FOXN3: variants seen among roughly 807,000 people sequenced by gnomAD.
FOXN3 encodes forkhead box N3.
In FOXN3, 7 loss-of-function variants were observed where a neutral mutation model predicts 38.4. That is an observed-to-expected ratio of 0.18 (90% CI 0.10 to 0.34). The LOEUF is 0.34. FOXN3 is among the 10% of genes least tolerant of loss of function. The pLI, the probability that FOXN3 is intolerant of heterozygous loss-of-function variation, is 1.00. For missense variants in FOXN3, 456 were observed against 613.4 expected (o/e 0.74, Z 2.71); for synonymous variants, 230 against 242.2 (o/e 0.95, Z 0.47).
chr14:89,325,316 C>A (rs1450644324), intron 3 of FOXN3, among the ~76,000 whole-genome samples: 4 of 65,394 alleles, frequency 6.1e-5, no homozygotes, highest in African/African-American at 1.9e-4. Context: ...ACCACCACGA[C>A]CACCACCACC....
rs1281360063 is a variant in FOXN3, at chr14:89,159,405, G to C, written c.*3009C>G. ...GCAGATCCAACGAAGGGAGACTCAG[G>C]AAAATCACACTTAGAAAGCTGCCCG... On this transcript the variant is annotated 3_prime_UTR_variant, in exon 6 of 6. Transcript: ENST00000557258. 1 of 152,612 alleles carries C rather than the reference G, an allele frequency of 6.6e-6. No individual in the cohort carries two copies. Among genetic ancestry groups the C allele is most frequent in the Non-Finnish European group, 1.5e-5 (1 of 68,038 alleles). The allele number at this position is 152,612 out of a possible 1,614,324, so 9.5% of individuals were successfully genotyped here.
At chr14:89,581,881 T>C (rs1483068628) in intron 1 of FOXN3, among the ~76,000 whole-genome samples, 1 of 152,182 alleles carries the variant, frequency 6.6e-6, no homozygotes, top group East Asian at 1.9e-4. Flanking sequence ...TTTTATCCAG[T>C]TTCCTAAAAA....
At chr14:89,424,935 T>G (rs1891990389) in intron 1 of FOXN3, among the ~76,000 whole-genome samples, 1 of 152,158 alleles carries the variant, frequency 6.6e-6, no homozygotes, top group South Asian at 2.1e-4. Flanking sequence ...GAGCTACTAA[T>G]GCTTCTCCTG....
At chr14:89,257,128 A>C (rs1054398077) in intron 4 of FOXN3, among the ~76,000 whole-genome samples, 4 of 152,166 alleles carry the variant, frequency 2.6e-5, no homozygotes, top group Non-Finnish European at 4.4e-5. Context: ...CTAGGGCAGG[A>C]GGAGGTGGCT....
intron 1 of FOXN3, among the ~76,000 whole-genome samples, chr14:89,596,450 T>C (rs952039882): frequency 1.3e-5 from 2 of 152,310 alleles, no homozygotes; most frequent in Non-Finnish European, 1.5e-5. Context: ...TTTAGGATTT[T>C]AAAATTTATA....
At chr14:89,366,005 A>C (rs957299537) in intron 2 of FOXN3, among the ~76,000 whole-genome samples, 5 of 152,192 alleles carry the variant, frequency 3.3e-5, no homozygotes, top group African/African-American at 1.2e-4. Context: ...TAATCCCAGC[A>C]CTTTGGGAGG....
At chr14:89,177,887 C>T (rs895759218) in intron 5 of FOXN3, among the ~76,000 whole-genome samples, 12 of 152,136 alleles carry the variant, frequency 7.9e-5, no homozygotes, top group Non-Finnish European at 1.6e-4. Flanking sequence ...CCCTTTGTTC[C>T]GTCAACCCTA....
At chr14:89,197,489 G>C (rs529979418) in intron 4 of FOXN3, among the ~76,000 whole-genome samples, 178 of 143,608 alleles carry the variant, frequency 1.2e-3, no homozygotes, top group African/African-American at 4.5e-3. Context: ...CTGGGCGACA[G>C]AGCAAGACTG....
intron 1 of FOXN3, among the ~76,000 whole-genome samples, chr14:89,501,255 A>T (rs1285952117): frequency 3.9e-5 from 6 of 152,254 alleles, no homozygotes; most frequent in Non-Finnish European, 2.9e-5. Flanking sequence ...AACCATTTAT[A>T]TTAGTGGGAA....
rs1263411131 is a variant in FOXN3 at position 89,603,732 on chromosome 14, A to G, written c.-15+15296T>C. 2.0e-5 allele frequency among the ~76,000 whole-genome samples: 3 copies of G among 152,244 alleles called. No homozygotes were observed. The East Asian group carries it at 5.8e-4, about 29-fold the overall frequency. On this transcript the variant is annotated intron_variant, in intron 1 of 6. Transcript: ENST00000345097. ...CATATTCATGAGCTCACACAAAAAA[A>G]TAAGGCACATTCAGAACAGAGGGCT...
At chr14:89,203,591 C>T (rs1888290417) in intron 4 of FOXN3, among the ~76,000 whole-genome samples, 1 of 152,168 alleles carries the variant, frequency 6.6e-6, no homozygotes, top group African/African-American at 2.4e-5. Flanking sequence ...GAGTCATGCG[C>T]TGAGCGGGCA....
intron 1 of FOXN3, among the ~76,000 whole-genome samples, chr14:89,594,603 C>T (rs1037060480): frequency 5.3e-5 from 8 of 152,132 alleles, no homozygotes; most frequent in African/African-American, 1.9e-4. Flanking sequence ...CTTTGCATAT[C>T]CTTCATATAA....
intron 2 of FOXN3, among the ~76,000 whole-genome samples, chr14:89,386,723 G>A (rs1054486782): frequency 6.6e-6 from 1 of 152,168 alleles, no homozygotes. Flanking sequence ...TCACAGTTCT[G>A]GAGTCTGGGA....
At chr14:89,503,623 TATAG>T (rs1893847624) in intron 1 of FOXN3, among the ~76,000 whole-genome samples, 1 of 152,174 alleles carries the variant, frequency 6.6e-6, no homozygotes, top group Non-Finnish European at 1.5e-5. Context: ...CCACACGTTT[TATAG>T]ATAGAGCCAC....
At position 89,350,931 on chromosome 14, in the gene FOXN3, C is replaced by T. The variant is rs1888941765; in HGVS notation, c.544-123G>A. ...AGCTTCTCATTTGTTGACTGTTTGC[C>T]AGCCTTAAATATTATACTGACAGTA... On this transcript the variant is annotated intron_variant, in intron 2 of 5. Coordinates refer to ENST00000557258, the MANE Select transcript of FOXN3 (RefSeq NM_005197.4). The T allele has an allele frequency of 1.7e-5, 12 of 697,310 alleles. No homozygotes were observed. The South Asian group carries it at 3.8e-4, about 22-fold the overall frequency. 43.2% of individuals were successfully genotyped at this position (697,310 alleles called of 1,614,324 possible).
At chr14:89,411,042 C>T (rs1891530696) in intron 2 of FOXN3, among the ~76,000 whole-genome samples, 2 of 152,200 alleles carry the variant, frequency 1.3e-5, no homozygotes, top group African/African-American at 4.8e-5. Context: ...CGGGGCTGCA[C>T]AGCAGGAGGT....
At chr14:89,324,818 A>G (rs1437486071) in intron 3 of FOXN3, among the ~76,000 whole-genome samples, 2 of 152,142 alleles carry the variant, frequency 1.3e-5, no homozygotes, top group East Asian at 3.9e-4. Flanking sequence ...GAGAGGTTTC[A>G]AGGCTGGCCC....
At chr14:89,578,027 G>A (rs1343209584) in intron 1 of FOXN3, among the ~76,000 whole-genome samples, 3 of 152,140 alleles carry the variant, frequency 2.0e-5, no homozygotes, top group Non-Finnish European at 4.4e-5. Flanking sequence ...GCATGCTTTC[G>A]AAGAGAGGTG....
chr14:89,561,300 C>T (rs1244403528), intron 1 of FOXN3, among the ~76,000 whole-genome samples: 1 of 152,238 alleles, frequency 6.6e-6, no homozygotes, highest in East Asian at 1.9e-4. Context: ...GAAAACTCCA[C>T]CTCCCAGGTT....
Sources: gnomAD v4.1 joint callset for allele counts (sites outside exome capture counted in the v4.1 genomes callset) on GRCh38, gnomAD v4.1.1 for gene constraint, MANE v1.5 for transcripts, NCBI Gene and HGNC (gene_info 2026-07-23, HGNC 2026-07-21) for gene names.